The following TRDN variants were observed in gnomAD, a reference collection of about 807,000 sequenced individuals.
The protein encoded by TRDN is triadin in skeletal muscle.
A neutral mutation model predicts 149.7 loss-of-function variants in TRDN; 161 were observed. The ratio of observed to expected loss-of-function variants is 1.08; its 90% CI spans 0.95 to 1.23. The LOEUF is 1.23. TRDN is among the 50% of genes most tolerant of loss of function. The pLI is 0.00. For synonymous variants in TRDN, 294 were observed against 250.5 expected, an observed-to-expected ratio of 1.17 and a Z score of -1.64; for missense variants, 896 against 823.5, an observed-to-expected ratio of 1.09 and a Z score of -1.08.
At chr6:123,350,304 A>G (rs1254679671) in intron 21 of TRDN, 1 of 950,690 alleles carries the variant, frequency 1.1e-6, no homozygotes, top group Non-Finnish European at 1.3e-6. Context: ...TATCCATAGT[A>G]TTTAAGTCCA....
At chr6:123,520,963 GA>G (rs1779649413) in intron 5 of TRDN, among the ~76,000 whole-genome samples, 1 of 152,146 alleles carries the variant, frequency 6.6e-6, no homozygotes. Context: ...AAGACTAAAT[GA>G]ATTTGTGGGC....
At chr6:123,303,822 A>C (rs1445264549) in intron 24 of TRDN, among the ~76,000 whole-genome samples, 1 of 152,222 alleles carries the variant, frequency 6.6e-6, no homozygotes, top group Non-Finnish European at 1.5e-5. Context: ...GATAAGTAGC[A>C]TAGGCTTGTG....
At chr6:123,522,025 C>T (rs867902688) in intron 5 of TRDN, among the ~76,000 whole-genome samples, 1 of 152,092 alleles carries the variant, frequency 6.6e-6, no homozygotes, top group African/African-American at 2.4e-5. Context: ...TGGCTGTGAC[C>T]ACTTTTTCCA....
At position 123,420,344 on chromosome 6, in the gene TRDN, C is replaced by T. The variant is rs1340201343; in HGVS notation, c.1051+17719G>A. Among the ~76,000 whole-genome samples the T allele has an allele frequency of 2.0e-5, 3 of 151,758 alleles. No homozygotes were observed. In the East Asian group the frequency reaches 5.8e-4, roughly 29 times the overall value. ...TGAAATACAAGCAGCCTTTCAAATG[C>T]TCTTTCTGGTTCTACTGTTTTCCTG... On this transcript the variant is annotated intron_variant, in intron 12 of 40. Coordinates refer to ENST00000334268, the MANE Select transcript of TRDN (RefSeq NM_006073.4).
In TRDN at chr6:123,334,172, GA is replaced by G. The variant is rs376126592; in HGVS notation, c.1421-2244del. 4.9e-3 allele frequency among the ~76,000 whole-genome samples: 743 copies of G among 152,094 alleles called. 6 individuals are homozygous for G. The highest frequency in any genetic ancestry group is 0.017 in the African/African-American group (694 of 41,528). ...TGAATTGTTGAGTGGAAATGGCCAA[GA>G]AAAACATGTTGAGGACAAATGGAAG... is the stretch of plus-strand genomic sequence containing the variant. On this transcript the variant is annotated intron_variant, in intron 22 of 40. Transcript: ENST00000334268.
At chr6:123,472,103 C>A (rs1179753150) in intron 9 of TRDN, among the ~76,000 whole-genome samples, 1 of 152,166 alleles carries the variant, frequency 6.6e-6, no homozygotes, top group Non-Finnish European at 1.5e-5. Flanking sequence ...AGGAACAGCT[C>A]CAGTCTACAG....
intron 13 of TRDN, among the ~76,000 whole-genome samples, 192 bp downstream of exon 13, chr6:123,393,432 G>A (rs1020494613): frequency 6.6e-6 from 1 of 151,946 alleles, no homozygotes; most frequent in Non-Finnish European, 1.5e-5. Flanking sequence ...TGCAAATTTG[G>A]CATTACTCTC....
At chr6:123,401,973 A>G (rs1007117840) in intron 12 of TRDN, among the ~76,000 whole-genome samples, 5 of 151,920 alleles carry the variant, frequency 3.3e-5, no homozygotes, top group African/African-American at 7.3e-5. Flanking sequence ...AAAAAACTAA[A>G]GGAGAGATAA....
At chr6:123,331,097 T>C (rs1481109864) in intron 23 of TRDN, among the ~76,000 whole-genome samples, 2 of 152,118 alleles carry the variant, frequency 1.3e-5, no homozygotes, top group Non-Finnish European at 2.9e-5. Context: ...ATTTTTAATA[T>C]TTACTTTGAC....
In TRDN at chr6:123,368,689, T is replaced by A. The variant is rs575361429; in HGVS notation, c.1274-2507A>T. On this transcript the variant is annotated intron_variant, in intron 19 of 40. Transcript: ENST00000334268. ...CTCTGGCAATTTCCAACTATATTTGTACCCTCAGAATTTTCCTTTACTGCC... is the reference window on the plus strand; with the variant it reads ...CTCTGGCAATTTCCAACTATATTTGAACCCTCAGAATTTTCCTTTACTGCC... Among the ~76,000 whole-genome samples the A allele has an allele frequency of 2.6e-5, 4 of 152,328 alleles. No individual in the cohort carries two copies. The East Asian group carries it at 7.7e-4, about 29-fold the overall frequency.
intron 10 of TRDN, among the ~76,000 whole-genome samples, chr6:123,455,458 CAA>C (rs1450569859): frequency 1.4e-5 from 2 of 148,018 alleles, no homozygotes; most frequent in African/African-American, 5.1e-5. Context: ...GTTAGAGAAA[CAA>C]AGAGAGAAGA....
At chr6:123,371,002 T>G (rs1282370243) in intron 19 of TRDN, among the ~76,000 whole-genome samples, 1 of 151,780 alleles carries the variant, frequency 6.6e-6, no homozygotes, top group Non-Finnish European at 1.5e-5. Context: ...TTTTACAAGT[T>G]TGTGGCTTGT....
In TRDN at chr6:123,346,182, C is replaced by G. The variant is rs1281340160; in HGVS notation, c.1369+6357G>C. ...GTAGGATTTTTGTAAAAATTATTTACCAAGTTTAAGAATTTTCTGTCTATT... is the reference window on the plus strand; with the variant it reads ...GTAGGATTTTTGTAAAAATTATTTAGCAAGTTTAAGAATTTTCTGTCTATT... On this transcript the variant is annotated intron_variant, in intron 21 of 40. Coordinates refer to ENST00000334268, the MANE Select transcript of TRDN (RefSeq NM_006073.4). Among the ~76,000 whole-genome samples, 4 of 152,030 alleles carry G rather than the reference C, an allele frequency of 2.6e-5. No individual in the cohort carries two copies. In the South Asian group the frequency reaches 6.2e-4, roughly 24 times the overall value.
intron 19 of TRDN, among the ~76,000 whole-genome samples, chr6:123,368,693 C>T (rs970166868): frequency 1.3e-5 from 2 of 152,148 alleles, no homozygotes; most frequent in African/African-American, 4.8e-5. Flanking sequence ...TATTTGTACC[C>T]TCAGAATTTT....
At chr6:123,585,645 G>A (rs561017105) in intron 1 of TRDN, among the ~76,000 whole-genome samples, 2 of 152,166 alleles carry the variant, frequency 1.3e-5, no homozygotes, top group African/African-American at 2.4e-5. Context: ...CGGGTGAGTT[G>A]GACAGTCCGA....
intron 8 of TRDN, chr6:123,498,785 A>G (rs1453730772): frequency 2.6e-5 from 9 of 351,230 alleles, no homozygotes; most frequent in Non-Finnish European, 5.2e-5. Flanking sequence ...TTTCCCTTAA[A>G]TGAAAAGTTT....
intron 5 of TRDN, chr6:123,529,402 C>G: frequency 1.3e-6 from 2 of 1,512,442 alleles, no homozygotes; most frequent in East Asian, 2.5e-5. Context: ...CTTCAATGTT[C>G]TGATTGTTGA....
At chr6:123,449,997 C>A (rs1562320003) in intron 10 of TRDN, among the ~76,000 whole-genome samples, 1 of 152,098 alleles carries the variant, frequency 6.6e-6, no homozygotes, top group Non-Finnish European at 1.5e-5. Context: ...AAGATGAAGT[C>A]TTTTTCAGAC....
chr6:123,436,287 C>G lies in TRDN; in HGVS notation c.1051+1776G>C, dbSNP rs150877027. On this transcript the variant is annotated intron_variant, in intron 12 of 40. Coordinates refer to ENST00000334268, the MANE Select transcript of TRDN (RefSeq NM_006073.4). ...TCTTATGATAAAATACATATTTCATCAGAAAATAAGAAAGTTTTAAAAGAA... is the reference window on the plus strand; with the variant it reads ...TCTTATGATAAAATACATATTTCATGAGAAAATAAGAAAGTTTTAAAAGAA... Among the ~76,000 whole-genome samples the G allele has an allele frequency of 1.9e-3, 284 of 152,050 alleles. 2 individuals are homozygous for G. The highest frequency in any genetic ancestry group is 6.8e-3 in the African/African-American group (283 of 41,474).
Sources: allele counts gnomAD v4.1 joint callset (sites outside exome capture counted in the v4.1 genomes callset), GRCh38; gene constraint gnomAD v4.1.1; transcripts MANE v1.5; gene names NCBI Gene and HGNC (gene_info 2026-07-23, HGNC 2026-07-21).